FRMPD4: variants seen among roughly 807,000 people sequenced by gnomAD.
FRMPD4 encodes the protein FERM and PDZ domain containing 4.
FRMPD4 carries 22 observed loss-of-function variants against 94.1 expected under a neutral mutation model. That is an observed-to-expected ratio of 0.23 (90% CI 0.17 to 0.33). The LOEUF is 0.33. Among genes scored for constraint, FRMPD4 ranks in the 10% least tolerant of loss-of-function variants. The probability of loss-of-function intolerance (pLI) is 1.00; values close to 1 mark genes in which losing one functional copy is unlikely to be tolerated. For missense variants in FRMPD4, 1,111 were observed against 1,339.9 expected, an observed-to-expected ratio of 0.83 and a Z score of 2.67; for synonymous variants, 631 against 548.6, an observed-to-expected ratio of 1.15 and a Z score of -2.10.
chrX:12,707,418 A>AT, intron 12 of FRMPD4, 51 bp from the exon 13 acceptor site: 1 of 946,481 alleles, frequency 1.1e-6, no homozygotes, highest in Non-Finnish European at 1.5e-6. Context: ...TCAAGTTGGC[A>AT]TAGCATTTCA....
chrX:12,478,564 CAG>C (rs1449555638), intron 1 of FRMPD4, among the ~76,000 whole-genome samples: 1 of 111,883 alleles, frequency 8.9e-6, no homozygotes, highest in Non-Finnish European at 1.9e-5. Flanking sequence ...GCCTTAGTGA[CAG>C]AGCGAGACCC....
At chrX:11,862,330 G>A (rs770202063) in intron 1 of FRMPD4, among the ~76,000 whole-genome samples, 1 of 111,230 alleles carries the variant, frequency 9.0e-6, no homozygotes, top group Non-Finnish European at 1.9e-5. Context: ...GGTCTTTGGG[G>A]CTCATATGGG....
intron 3 of FRMPD4, among the ~76,000 whole-genome samples, chrX:12,024,131 T>G (rs2054646595): frequency 8.9e-6 from 1 of 112,237 alleles, no homozygotes; most frequent in Non-Finnish European, 1.9e-5. Context: ...ATCTATAATC[T>G]GTACTCTAGC....
At chrX:12,193,829 G>A (rs5979545) in intron 1 of FRMPD4, among the ~76,000 whole-genome samples, 13,129 of 24,255 alleles carry the variant, frequency 0.54, 3,845 homozygotes, top group East Asian at 0.9. Context: ...GAAGGAAGGA[G>A]GGAAGGAAGA....
At chrX:11,845,596 A>G (rs1178712533) in intron 1 of FRMPD4, among the ~76,000 whole-genome samples, 1 of 108,110 alleles carries the variant, frequency 9.2e-6, no homozygotes, top group Non-Finnish European at 1.9e-5. Flanking sequence ...TTTTAGACCA[A>G]TATCCTTGAT....
Position 12,341,292 on chromosome X carries a change from G to A in FRMPD4, c.42-157388G>A, listed in dbSNP as rs185717382. Among the ~76,000 whole-genome samples the A allele has an allele frequency of 1.3e-4, 14 of 111,081 alleles. No homozygotes were observed. The East Asian group carries it at 3.7e-3, about 29-fold the overall frequency. ...ATATATCAAAAAAATTAATCAGAAA[G>A]CAATGATGCATAGGAAGACAGCTTA... On this transcript the variant is annotated intron_variant, in intron 1 of 16. Transcript: ENST00000675598.
chrX:12,009,489 G>T (rs2054570769), intron 3 of FRMPD4, among the ~76,000 whole-genome samples: 1 of 112,240 alleles, frequency 8.9e-6, no homozygotes, highest in Non-Finnish European at 1.9e-5. Context: ...TAAAACAAAT[G>T]TCCTGTTATT....
At chrX:12,126,267 G>A (rs745980362) in intron 3 of FRMPD4, among the ~76,000 whole-genome samples, 27 of 112,013 alleles carry the variant, frequency 2.4e-4, no homozygotes, top group Non-Finnish European at 4.9e-4. Context: ...TCTGTCTGCC[G>A]ATTGATGGCA....
At chrX:12,332,094 T>C (rs1385038571) in intron 1 of FRMPD4, among the ~76,000 whole-genome samples, 1 of 59,703 alleles carries the variant, frequency 1.7e-5, no homozygotes, top group African/African-American at 7.9e-5. Flanking sequence ...ATTTATATTA[T>C]ATATAATTTA....
At chrX:12,425,989 T>C (rs1470951250) in intron 1 of FRMPD4, among the ~76,000 whole-genome samples, 1 of 112,439 alleles carries the variant, frequency 8.9e-6, no homozygotes, top group African/African-American at 3.2e-5. Context: ...GGTAATTTTG[T>C]ATGCTTTCAA....
chrX:12,702,066 C>T (rs1480233213), intron 10 of FRMPD4, 56 bp downstream of exon 10: 85 of 1,126,986 alleles, frequency 7.5e-5, no homozygotes, highest in Non-Finnish European at 1.0e-4. Context: ...TCCCTTAGCC[C>T]GGGTGTATTT....
intron 3 of FRMPD4, among the ~76,000 whole-genome samples, chrX:11,878,777 AT>A (rs2147311860): frequency 8.9e-6 from 1 of 112,468 alleles, no homozygotes; most frequent in East Asian, 2.8e-4. Context: ...ATGCTTTCTC[AT>A]TAATCACTGG....
chrX:12,015,810 A>G lies in FRMPD4; in HGVS notation c.95+137792A>G, dbSNP rs187654043. Among the ~76,000 whole-genome samples the G allele has an allele frequency of 8.3e-4, 93 of 112,141 alleles. 1 individual carries two copies. The Admixed American group carries it at 8.3e-3, about 10-fold the overall frequency. Reference sequence around the variant, plus strand: ...ACAGTCACAATATTGGAAGAGGAGAAGCAGCTACTTTGTAACCATGAGGCA... The same window carrying G: ...ACAGTCACAATATTGGAAGAGGAGAGGCAGCTACTTTGTAACCATGAGGCA... On this transcript the variant is annotated intron_variant, in intron 3 of 18. Transcript: ENST00000640291.
At chrX:12,175,580 C>T (rs1027291002) in intron 1 of FRMPD4, among the ~76,000 whole-genome samples, 1 of 112,187 alleles carries the variant, frequency 8.9e-6, no homozygotes, top group African/African-American at 3.2e-5. Context: ...AGTGAAGTGG[C>T]GTGATCTCTG....
intron 2 of FRMPD4, among the ~76,000 whole-genome samples, chrX:12,589,548 A>G (rs964696763): frequency 7.1e-5 from 8 of 111,951 alleles, no homozygotes; most frequent in Middle Eastern, 4.6e-3. Flanking sequence ...ATTATTATCT[A>G]TAAACACCTA....
intron 2 of FRMPD4, among the ~76,000 whole-genome samples, chrX:11,875,938 C>A (rs1006600847): frequency 4.2e-5 from 4 of 95,866 alleles, no homozygotes; most frequent in Admixed American, 2.6e-4. Context: ...TGCAGTGGCG[C>A]GATCTCGGCT....
At chrX:11,871,904 G>A in intron 2 of FRMPD4, among the ~76,000 whole-genome samples, 1 of 112,047 alleles carries the variant, frequency 8.9e-6, no homozygotes, top group Non-Finnish European at 1.9e-5. Flanking sequence ...CTTGTGGGGA[G>A]GGAGATGCTG....
At chrX:12,433,897 G>C (rs2057036140) in intron 1 of FRMPD4, among the ~76,000 whole-genome samples, 1 of 111,985 alleles carries the variant, frequency 8.9e-6, no homozygotes, top group Non-Finnish European at 1.9e-5. Flanking sequence ...TTCAATATGA[G>C]TATGACTTTA....
intron 3 of FRMPD4, among the ~76,000 whole-genome samples, chrX:11,883,889 C>T (rs1048155129): frequency 1.1e-4 from 12 of 112,140 alleles, no homozygotes; most frequent in African/African-American, 3.6e-4. Context: ...TTTGACCCAG[C>T]TGTGTTGGAG....
Sources: allele counts gnomAD v4.1 joint callset (sites outside exome capture counted in the v4.1 genomes callset), GRCh38; gene constraint gnomAD v4.1.1; transcripts MANE v1.5; gene names NCBI Gene and HGNC (gene_info 2026-07-23, HGNC 2026-07-21).